ABL1: variants seen among roughly 807,000 people sequenced by gnomAD.
The protein encoded by ABL1 is ABL proto-oncogene 1, non-receptor tyrosine kinase, also known as tyrosine-protein kinase ABL1.
ABL1 carries 11 observed loss-of-function variants against 94.7 expected under a neutral mutation model. The ratio of observed to expected loss-of-function variants is 0.12; its 90% CI spans 0.07 to 0.19. The LOEUF (loss-of-function observed/expected upper bound fraction) is 0.19. ABL1 is among the 10% of genes least tolerant of loss of function. The probability of loss-of-function intolerance (pLI) is 1.00; values close to 1 mark genes in which losing one functional copy is unlikely to be tolerated. For missense variants in ABL1, 1,082 were observed against 1,489.4 expected, an observed-to-expected ratio of 0.73 and a Z score of 4.50; for synonymous variants, 656 against 622.4, an observed-to-expected ratio of 1.05 and a Z score of -0.80.
intron 3 of ABL1, among the ~76,000 whole-genome samples, chr9:130,859,205 C>T (rs1831022411): frequency 1.3e-5 from 2 of 152,224 alleles, no homozygotes; most frequent in Admixed American, 1.3e-4. Context: ...CTATGAGATG[C>T]CCCTGTCACG....
At chr9:130,735,453 C>A (rs754610900) in intron 1 of ABL1, among the ~76,000 whole-genome samples, 2 of 151,678 alleles carry the variant, frequency 1.3e-5, no homozygotes, top group Non-Finnish European at 2.9e-5. Context: ...TTCTCCTACT[C>A]CTCTGGAAAA....
At chr9:130,859,677 C>CCT (rs1831035257) in intron 3 of ABL1, among the ~76,000 whole-genome samples, 1 of 78,458 alleles carries the variant, frequency 1.3e-5, no homozygotes, top group African/African-American at 6.7e-5. Flanking sequence ...TCTTTCTTTC[C>CCT]TTTTTTTTTT....
At chr9:130,717,652 T>C (rs1389509405) in intron 1 of ABL1, among the ~76,000 whole-genome samples, 1 of 148,410 alleles carries the variant, frequency 6.7e-6, no homozygotes, top group Admixed American at 6.7e-5. Context: ...ACCGTGTCTC[T>C]GGGGGGTAAA....
At chr9:130,818,763 T>G (rs1157657032) in intron 1 of ABL1, among the ~76,000 whole-genome samples, 1 of 152,250 alleles carries the variant, frequency 6.6e-6, no homozygotes, top group Non-Finnish European at 1.5e-5. Flanking sequence ...CCCTTTCACC[T>G]TTGTGGAAGA....
At chr9:130,816,454 G>A (rs1174539824) in intron 1 of ABL1, among the ~76,000 whole-genome samples, 1 of 150,970 alleles carries the variant, frequency 6.6e-6, no homozygotes, top group Admixed American at 6.6e-5. Context: ...GATTACAGGT[G>A]TGAGCTACCA....
In ABL1 at chr9:130,863,543, T is replaced by C. The variant is rs1831109558; in HGVS notation, c.822+508T>C. Among the ~76,000 whole-genome samples the C allele has an allele frequency of 6.6e-6, 1 of 152,152 alleles. No homozygotes were observed. The highest frequency in any genetic ancestry group is 2.1e-4 in the South Asian group (1 of 4,834). Reference sequence around the variant, plus strand: ...CTGCCCAGACTCCTGCAGGCAGAGGTGGAAGTGTCCCCGCTAGAAAGGCAT... The same window carrying C: ...CTGCCCAGACTCCTGCAGGCAGAGGCGGAAGTGTCCCCGCTAGAAAGGCAT... On this transcript the variant is annotated intron_variant, in intron 4 of 10. Coordinates refer to ENST00000318560, the MANE Select transcript of ABL1 (RefSeq NM_005157.6). This position sits in a 1 kb window ranked among gnomAD's most constrained non-coding sequence, Gnocchi z 4.3.
intron 1 of ABL1, among the ~76,000 whole-genome samples, chr9:130,819,522 A>G (rs1395459409): frequency 1.3e-5 from 2 of 150,746 alleles, no homozygotes; most frequent in African/African-American, 4.9e-5. Context: ...CAGGAAGTGA[A>G]GAAAAATACC....
chr9:130,868,891 G>T (rs1053326345), intron 4 of ABL1, among the ~76,000 whole-genome samples: 2 of 152,086 alleles, frequency 1.3e-5, no homozygotes, highest in Non-Finnish European at 2.9e-5. Context: ...ATGAGGGCCG[G>T]GTGCAGTGGT....
intron 1 of ABL1, among the ~76,000 whole-genome samples, chr9:130,725,765 G>A (rs1831573097): frequency 6.8e-6 from 1 of 146,618 alleles, no homozygotes; most frequent in Admixed American, 6.9e-5. Flanking sequence ...CCCATTGTGT[G>A]TGTATATATA....
intron 1 of ABL1, among the ~76,000 whole-genome samples, chr9:130,822,719 A>G (rs1018494707): frequency 4.0e-5 from 6 of 151,888 alleles, no homozygotes; most frequent in African/African-American, 1.5e-4. Context: ...TGTCAATTCA[A>G]ATCTTTTGCC....
upstream of ABL1, among the ~76,000 whole-genome samples, chr9:130,831,118 TGG>T (rs1206955813): frequency 6.6e-6 from 1 of 152,222 alleles, no homozygotes; most frequent in Admixed American, 6.5e-5. Flanking sequence ...TGGGCTTTGT[TGG>T]CATTTGCATG....
rs767358885 is a variant in ABL1, at chr9:130,885,679, G to T, written c.3389G>T (p.Arg1130Met). The change falls in exon 11 of 11, where the codon AGG (arginine) becomes ATG (methionine). Residue 1130 changes from arginine to methionine, a missense_variant. Coordinates refer to ENST00000318560, the MANE Select transcript of ABL1 (RefSeq NM_005157.6). ...SVKEISDIVQ[R>M] ...AAGGAAATCAGTGACATAGTGCAGA[G>T]GTAGCAGCAGTCAGGGGTCAGGTGT... The T allele has an allele frequency of 8.7e-6, 14 of 1,608,336 alleles. No individual in the cohort carries two copies.
chr9:130,823,679 A>C (rs1464949501), intron 1 of ABL1, among the ~76,000 whole-genome samples: 3 of 152,130 alleles, frequency 2.0e-5, no homozygotes, highest in African/African-American at 7.2e-5. Flanking sequence ...GAAGAACCTG[A>C]CCCAGAAGTC....
At chr9:130,752,936 G>A (rs1165143719) in intron 1 of ABL1, among the ~76,000 whole-genome samples, 1 of 148,782 alleles carries the variant, frequency 6.7e-6, no homozygotes, top group African/African-American at 2.5e-5. Flanking sequence ...TCCAGCCTGG[G>A]TTACAAAGCG....
chr9:130,849,006 T>C (rs1462961653), intron 1 of ABL1, among the ~76,000 whole-genome samples: 1 of 152,182 alleles, frequency 6.6e-6, no homozygotes, highest in Admixed American at 6.5e-5. Flanking sequence ...TTAACTACTG[T>C]TCACAGTTTG....
At chr9:130,744,491 G>C (rs1831859745) in intron 1 of ABL1, among the ~76,000 whole-genome samples, 1 of 151,630 alleles carries the variant, frequency 6.6e-6, no homozygotes. Flanking sequence ...TACCCTGGGG[G>C]AGACCAAGAC....
intron 1 of ABL1, among the ~76,000 whole-genome samples, chr9:130,802,095 C>CTTTTTTTTTTTTTTTT (rs3085157): frequency 4.5e-5 from 6 of 132,092 alleles, no homozygotes; most frequent in African/African-American, 1.2e-4. Flanking sequence ...TTCCTTCAGT[C>CTTTTTTTTTTTTTTTT]TTTTTTTTTT....
At chr9:130,769,184 A>C (rs1832221118) in intron 1 of ABL1, among the ~76,000 whole-genome samples, 1 of 152,164 alleles carries the variant, frequency 6.6e-6, no homozygotes, top group South Asian at 2.1e-4. Flanking sequence ...ACTATTATAA[A>C]AGGTAGTTAT....
intron 1 of ABL1, among the ~76,000 whole-genome samples, chr9:130,770,343 C>G (rs1228419622): frequency 1.3e-5 from 2 of 152,046 alleles, no homozygotes; most frequent in African/African-American, 4.8e-5. Flanking sequence ...CCCATCTCTA[C>G]AAAAAATTGA....
Sources: allele counts gnomAD v4.1 joint callset (sites outside exome capture counted in the v4.1 genomes callset), GRCh38; gene constraint gnomAD v4.1.1; non-coding constraint Gnocchi (gnomAD v3.1); transcripts MANE v1.5; gene names NCBI Gene and HGNC (gene_info 2026-07-23, HGNC 2026-07-21).